The following ASAP1 variants were observed in gnomAD, a reference collection of about 807,000 sequenced individuals.
The protein encoded by ASAP1 is arf-GAP with SH3 domain, ANK repeat and PH domain-containing protein 1.
A neutral mutation model predicts 145.2 loss-of-function variants in ASAP1; 43 were observed. The observed-to-expected ratio is 0.30, with a 90% CI of 0.23 to 0.38. The LOEUF is 0.38. Ranked by LOEUF, ASAP1 falls within the 10% of genes least tolerant of loss-of-function variation. The pLI is 1.00. For missense variants in ASAP1, 1,018 were observed against 1,355.3 expected, an observed-to-expected ratio of 0.75 and a Z score of 3.91; for synonymous variants, 546 against 515.5, an observed-to-expected ratio of 1.06 and a Z score of -0.80.
intron 1 of ASAP1, among the ~76,000 whole-genome samples, chr8:130,415,348 G>A (rs1168749309): frequency 1.3e-5 from 2 of 151,268 alleles, no homozygotes; most frequent in Admixed American, 1.3e-4. Flanking sequence ...TACACCTATA[G>A]TCCCAGCTAC....
chr8:130,410,268 G>A (rs1380062419), intron 1 of ASAP1, among the ~76,000 whole-genome samples: 2 of 152,084 alleles, frequency 1.3e-5, no homozygotes, highest in Non-Finnish European at 2.9e-5. Flanking sequence ...GGCACGTACT[G>A]GTACCATAGG....
At chr8:130,107,493 CT>C (rs2097539014) in intron 24 of ASAP1, among the ~76,000 whole-genome samples, 1 of 146,350 alleles carries the variant, frequency 6.8e-6, no homozygotes, top group African/African-American at 2.5e-5. Flanking sequence ...CCCATAGTCT[CT>C]CTTTTTTTTT....
intron 3 of ASAP1, among the ~76,000 whole-genome samples, chr8:130,329,004 G>A (rs1379055029): frequency 6.6e-6 from 1 of 152,022 alleles, no homozygotes; most frequent in East Asian, 1.9e-4. Flanking sequence ...AATTTCTAAT[G>A]GTCAGAATAT....
intron 1 of ASAP1, among the ~76,000 whole-genome samples, chr8:130,417,620 A>G (rs894876451): frequency 2.2e-4 from 29 of 130,746 alleles, no homozygotes; most frequent in Non-Finnish European, 3.5e-4. Flanking sequence ...GCTTCAGGGG[A>G]AAAAAAAAAA....
At chr8:130,365,092 T>TC (rs1826891445) in intron 2 of ASAP1, among the ~76,000 whole-genome samples, 1 of 152,084 alleles carries the variant, frequency 6.6e-6, no homozygotes, top group African/African-American at 2.4e-5. Context: ...ATCACCTACA[T>TC]CCCCCAGCAA....
chr8:130,129,492 T>C (rs1173652858), intron 15 of ASAP1, among the ~76,000 whole-genome samples: 4 of 152,204 alleles, frequency 2.6e-5, no homozygotes, highest in Non-Finnish European at 5.9e-5. Flanking sequence ...CAAATTTATT[T>C]TCTAAAAAGA....
At chr8:130,067,282 G>T (rs962877134) in intron 27 of ASAP1, among the ~76,000 whole-genome samples, 1 of 152,130 alleles carries the variant, frequency 6.6e-6, no homozygotes, top group African/African-American at 2.4e-5. Flanking sequence ...ATGAGTGGTG[G>T]TCACATCTAC....
At chr8:130,076,998 A>C (rs1042856534) in intron 26 of ASAP1, among the ~76,000 whole-genome samples, 8 of 152,228 alleles carry the variant, frequency 5.3e-5, no homozygotes. Context: ...TGTAGTGCAC[A>C]GAAGTAACTC....
chr8:130,307,780 AG>A (rs1230082712), intron 3 of ASAP1, among the ~76,000 whole-genome samples: 1 of 152,224 alleles, frequency 6.6e-6, no homozygotes, highest in Non-Finnish European at 1.5e-5. Flanking sequence ...TCAAAACACT[AG>A]TCCAAAGTCA....
chr8:130,435,534 T>A (rs1830283222), intron 1 of ASAP1, among the ~76,000 whole-genome samples: 1 of 152,210 alleles, frequency 6.6e-6, no homozygotes. Context: ...AATGTTCTGT[T>A]ACAGATTTCA....
intron 13 of ASAP1, among the ~76,000 whole-genome samples, chr8:130,150,078 G>A (rs1454215585): frequency 6.6e-6 from 1 of 152,114 alleles, no homozygotes; most frequent in Non-Finnish European, 1.5e-5. Context: ...TAACAGAATG[G>A]CCACACATGG....
intron 1 of ASAP1, among the ~76,000 whole-genome samples, chr8:130,432,416 G>T (rs1467733827): frequency 2.6e-5 from 4 of 152,176 alleles, no homozygotes; most frequent in East Asian, 1.9e-4. Context: ...TTTTGGAAGA[G>T]AATTCAAACA....
At chr8:130,056,611 C>A (rs1423433936) in intron 29 of ASAP1, among the ~76,000 whole-genome samples, 1 of 152,234 alleles carries the variant, frequency 6.6e-6, no homozygotes, top group Non-Finnish European at 1.5e-5. Context: ...GATTAAGAAT[C>A]TGAGGTCACT....
chr8:130,060,402 T>G (rs2097416411), intron 28 of ASAP1, among the ~76,000 whole-genome samples, 177 bp downstream of exon 28: 1 of 152,242 alleles, frequency 6.6e-6, no homozygotes. Flanking sequence ...TGCTGGAGCC[T>G]AAAGCCTGGG....
At chr8:130,348,843 C>T (rs970380039) in intron 3 of ASAP1, among the ~76,000 whole-genome samples, 2 of 152,194 alleles carry the variant, frequency 1.3e-5, no homozygotes, top group African/African-American at 4.8e-5. Context: ...CACCTCCCCA[C>T]AAATGACCAC....
At chr8:130,154,369 GT>G (rs2097653678) in intron 12 of ASAP1, among the ~76,000 whole-genome samples, 1 of 152,216 alleles carries the variant, frequency 6.6e-6, no homozygotes, top group Non-Finnish European at 1.5e-5. Context: ...ACTTGGAAGA[GT>G]TTTGTGTGTG....
At chr8:130,350,625 T>C (rs1825941552) in intron 3 of ASAP1, among the ~76,000 whole-genome samples, 1 of 152,218 alleles carries the variant, frequency 6.6e-6, no homozygotes, top group Non-Finnish European at 1.5e-5. Flanking sequence ...ACTAAGTTAC[T>C]AGCAGTGTCC....
At chr8:130,421,858 CAGA>C (rs758605809) in intron 1 of ASAP1, among the ~76,000 whole-genome samples, 4 of 152,216 alleles carry the variant, frequency 2.6e-5, no homozygotes, top group Non-Finnish European at 4.4e-5. Flanking sequence ...AATTGAATTA[CAGA>C]AGGTTTCATT....
At chr8:130,340,805 T>C (rs2137908990) in intron 3 of ASAP1, 1 of 423,136 alleles carries the variant, frequency 2.4e-6, no homozygotes, top group Non-Finnish European at 4.7e-6. Context: ...ATAAAGAACT[T>C]AGCACACTAC....
Sources: gnomAD v4.1 joint callset for allele counts (sites outside exome capture counted in the v4.1 genomes callset) on GRCh38, gnomAD v4.1.1 for gene constraint, MANE v1.5 for transcripts, NCBI Gene and HGNC (gene_info 2026-07-23, HGNC 2026-07-21) for gene names.